SPECC1: variants seen among roughly 807,000 people sequenced by gnomAD.
SPECC1 encodes sperm antigen with calponin homology and coiled-coil domains 1, also known as cytospin-B.
In SPECC1, 62 loss-of-function variants were observed where a neutral mutation model predicts 104.1. That is an observed-to-expected ratio of 0.60 (90% confidence interval 0.49 to 0.74). SPECC1 has a LOEUF of 0.74. Among genes scored for constraint, SPECC1 ranks in the 30% least tolerant of loss-of-function variants. The pLI is 0.00. For missense variants in SPECC1, 1,306 were observed against 1,310.5 expected (o/e 1.00, Z 0.05); for synonymous variants, 513 against 501.6 (o/e 1.02, Z -0.30).
Position 20,317,180 on chromosome 17 carries a change from TGAGGTGG to T in SPECC1, c.*3120_*3126del, listed in dbSNP as rs2042051448. ...CTATAATCCCAGCACTTTGGGAGGC[TGAGGTGG>T]GAGGATTGCTTGAGCCCAGGAGTTT... is the stretch of plus-strand genomic sequence containing the variant. On this transcript the variant is annotated 3_prime_UTR_variant, in exon 15 of 15. Transcript: ENST00000395527. The T allele has an allele frequency of 1.2e-5, 2 of 173,606 alleles. No individual in the cohort carries two copies. Among genetic ancestry groups the T allele is most frequent in the East Asian group, 2.0e-4 (2 of 9,848 alleles). The allele number at this position is 173,606 out of a possible 1,614,324, so 10.8% of individuals were successfully genotyped here. A position where few individuals can be genotyped will look rare whatever the true frequency, so the allele number is the denominator to read the frequency against.
chr17:20,063,100 C>T (rs889402163), intron 1 of SPECC1, among the ~76,000 whole-genome samples: 3 of 152,176 alleles, frequency 2.0e-5, no homozygotes, highest in Non-Finnish European at 4.4e-5. Context: ...AGACTATTTT[C>T]TATATTTTTG....
At chr17:20,055,530 A>G (rs1472329434) in intron 1 of SPECC1, among the ~76,000 whole-genome samples, 1 of 152,202 alleles carries the variant, frequency 6.6e-6, no homozygotes, top group East Asian at 1.9e-4. Flanking sequence ...CGTTCTGTTC[A>G]TTTTAAGTCT....
At chr17:20,032,276 T>TA (rs1597589676) in intron 1 of SPECC1, among the ~76,000 whole-genome samples, 1 of 152,172 alleles carries the variant, frequency 6.6e-6, no homozygotes, top group East Asian at 1.9e-4. Context: ...TACTTGGAAT[T>TA]CATTGAGTTT....
At chr17:20,228,797 T>G (rs2038393128) in intron 5 of SPECC1, among the ~76,000 whole-genome samples, 1 of 152,242 alleles carries the variant, frequency 6.6e-6, no homozygotes, top group African/African-American at 2.4e-5. Context: ...GATTAAACAT[T>G]ACCTTCTTTG....
At chr17:20,071,134 C>T (rs1004051957) in intron 1 of SPECC1, among the ~76,000 whole-genome samples, 1 of 152,072 alleles carries the variant, frequency 6.6e-6, no homozygotes, top group African/African-American at 2.4e-5. Context: ...CGGGCTCAAG[C>T]AATCCTCCCT....
chr17:20,262,397 A>G (rs1446403524), intron 12 of SPECC1, among the ~76,000 whole-genome samples: 4 of 152,198 alleles, frequency 2.6e-5, no homozygotes, highest in Non-Finnish European at 1.5e-5. Flanking sequence ...AAGTAATTGT[A>G]TAATTTATGT....
At position 20,282,529 on chromosome 17, in the gene SPECC1, TAACA is replaced by T. The variant is rs2040809196; in HGVS notation, c.2941-14429_2941-14426del. On this transcript the variant is annotated intron_variant, in intron 12 of 14. Transcript: ENST00000395527. Reference sequence around the variant, plus strand: ...AACAGACTTTCTTTATTCTTGAACTTAACAAAGTAATTAAAAATTCACCTGGAAG... The same window carrying T: ...AACAGACTTTCTTTATTCTTGAACTTAAGTAATTAAAAATTCACCTGGAAG... Among the ~76,000 whole-genome samples the T allele has an allele frequency of 3.3e-5, 5 of 152,358 alleles. No homozygotes were observed. In the South Asian group the frequency reaches 1.0e-3, roughly 32 times the overall value.
At chr17:20,215,005 A>G (rs1470145559) in intron 4 of SPECC1, among the ~76,000 whole-genome samples, 1 of 152,216 alleles carries the variant, frequency 6.6e-6, no homozygotes, top group Non-Finnish European at 1.5e-5. Flanking sequence ...AGGGAGCGTT[A>G]TCTGCTGGAG....
At chr17:20,215,117 C>T (rs1354074854) in intron 4 of SPECC1, among the ~76,000 whole-genome samples, 1 of 152,238 alleles carries the variant, frequency 6.6e-6, no homozygotes, top group African/African-American at 2.4e-5. Flanking sequence ...GGCCAAGAGT[C>T]CTCCAAGGCC....
chr17:20,261,568 A>G (rs930058362), intron 12 of SPECC1, among the ~76,000 whole-genome samples: 3 of 151,726 alleles, frequency 2.0e-5, no homozygotes, highest in African/African-American at 7.3e-5. Flanking sequence ...CCAAGAAGAC[A>G]GCTTTTGCTG....
chr17:20,188,697 C>T (rs1165466058), intron 3 of SPECC1, among the ~76,000 whole-genome samples: 1 of 152,134 alleles, frequency 6.6e-6, no homozygotes, highest in African/African-American at 2.4e-5. Flanking sequence ...TTGTGTGCCT[C>T]AAGTTAATGT....
At chr17:20,281,813 A>G (rs1481434363) in intron 12 of SPECC1, among the ~76,000 whole-genome samples, 1 of 152,236 alleles carries the variant, frequency 6.6e-6, no homozygotes, top group East Asian at 1.9e-4. Flanking sequence ...GCAGAAGAGG[A>G]AAGAAAATTC....
chr17:20,097,600 C>T (rs778279341), intron 2 of SPECC1, among the ~76,000 whole-genome samples: 3 of 152,070 alleles, frequency 2.0e-5, no homozygotes, highest in African/African-American at 4.8e-5. Flanking sequence ...GAAGGAGTGA[C>T]GGGATTGTTT....
chr17:20,223,527 G>A (rs59669631), intron 4 of SPECC1, among the ~76,000 whole-genome samples: 1 of 152,032 alleles, frequency 6.6e-6, no homozygotes, highest in South Asian at 2.1e-4. Context: ...ACAAAAATTA[G>A]CCGGGCGTGG....
intron 3 of SPECC1, among the ~76,000 whole-genome samples, chr17:20,127,490 T>G (rs2049376685): frequency 6.9e-6 from 1 of 145,240 alleles, no homozygotes. Context: ...TTGCCCAGGC[T>G]GAAGTGTAGT....
chr17:20,288,668 T>A (rs1162218511), intron 12 of SPECC1, among the ~76,000 whole-genome samples: 1 of 150,840 alleles, frequency 6.6e-6, no homozygotes, highest in Non-Finnish European at 1.5e-5. Context: ...ATGCTGTTGA[T>A]AAAGACATAC....
chr17:20,276,932 G>A (rs1378630063), intron 12 of SPECC1, among the ~76,000 whole-genome samples: 2 of 152,240 alleles, frequency 1.3e-5, no homozygotes, highest in African/African-American at 4.8e-5. Flanking sequence ...AAGAGCCATG[G>A]GCAAGGGCCA....
At chr17:20,027,474 A>C (rs1397401196) in intron 1 of SPECC1, among the ~76,000 whole-genome samples, 1 of 152,020 alleles carries the variant, frequency 6.6e-6, no homozygotes, top group African/African-American at 2.4e-5. Context: ...TGTGTTTTTG[A>C]GGTTTTAGCC....
At chr17:20,038,625 C>T (rs1888062903) in intron 1 of SPECC1, among the ~76,000 whole-genome samples, 1 of 152,190 alleles carries the variant, frequency 6.6e-6, no homozygotes. Flanking sequence ...TGGTCTCGAA[C>T]TCCTGATCTT....
Sources: gnomAD v4.1 joint callset for allele counts (sites outside exome capture counted in the v4.1 genomes callset) on GRCh38, gnomAD v4.1.1 for gene constraint, MANE v1.5 for transcripts, NCBI Gene and HGNC (gene_info 2026-07-23, HGNC 2026-07-21) for gene names.